The following L3MBTL4 variants were observed in gnomAD, a reference collection of about 807,000 sequenced individuals.
L3MBTL4 encodes the protein L3MBTL histone methyl-lysine binding protein 4, also known as lethal(3)malignant brain tumor-like protein 4.
Under a neutral mutation model 84.5 loss-of-function variants are expected in L3MBTL4, and 70 were observed. The ratio of observed to expected loss-of-function variants is 0.83; its 90% CI spans 0.68 to 1.01. The LOEUF is 1.01. Ranked by LOEUF, L3MBTL4 falls within the 50% of genes least tolerant of loss-of-function variation. L3MBTL4 has a pLI of 0.00. For missense variants in L3MBTL4, 715 were observed against 754.8 expected (o/e 0.95, Z 0.62); for synonymous variants, 274 against 259.8 (o/e 1.05, Z -0.52).
chr18:6,108,181 A>G (rs912550144), intron 14 of L3MBTL4, among the ~76,000 whole-genome samples: 2 of 152,182 alleles, frequency 1.3e-5, no homozygotes, highest in African/African-American at 4.8e-5. Flanking sequence ...GTGGATAGTT[A>G]ATGACAGCCA....
At chr18:6,069,568 T>C (rs894646574) in intron 16 of L3MBTL4, among the ~76,000 whole-genome samples, 4 of 152,130 alleles carry the variant, frequency 2.6e-5, no homozygotes, top group South Asian at 2.1e-4. Context: ...GCTCTGACTC[T>C]TCTTGAGCTG....
intron 12 of L3MBTL4, among the ~76,000 whole-genome samples, chr18:6,176,467 C>T (rs2044230245): frequency 1.3e-5 from 2 of 151,854 alleles, no homozygotes; most frequent in African/African-American, 4.8e-5. Context: ...ACAGTCTTTT[C>T]AACAAATGGC....
At chr18:6,334,225 T>C (rs2052205776) in intron 1 of L3MBTL4, among the ~76,000 whole-genome samples, 1 of 152,000 alleles carries the variant, frequency 6.6e-6, no homozygotes, top group African/African-American at 2.4e-5. Flanking sequence ...GGAACAGGAG[T>C]CCCAGTTGGT....
intron 5 of L3MBTL4, among the ~76,000 whole-genome samples, chr18:6,245,884 C>A (rs1188552675): frequency 6.6e-6 from 1 of 152,180 alleles, no homozygotes; most frequent in African/African-American, 2.4e-5. Flanking sequence ...AGCCACTGCA[C>A]CTGTCCCTAG....
chr18:5,990,036 G>A (rs2053622034), intron 16 of L3MBTL4, among the ~76,000 whole-genome samples: 2 of 152,152 alleles, frequency 1.3e-5, no homozygotes, highest in South Asian at 2.1e-4. Flanking sequence ...ATCCCTAAGA[G>A]TCCATCCTCA....
chr18:6,037,786 T>G (rs1679281562), intron 16 of L3MBTL4, among the ~76,000 whole-genome samples: 1 of 152,238 alleles, frequency 6.6e-6, no homozygotes, highest in African/African-American at 2.4e-5. Flanking sequence ...TAGAAAATTT[T>G]ACTCTGTCCT....
chr18:6,244,307 T>C (rs543309216), intron 6 of L3MBTL4, among the ~76,000 whole-genome samples, 177 bp downstream of exon 6: 25 of 152,184 alleles, frequency 1.6e-4, no homozygotes, highest in Non-Finnish European at 3.1e-4. Flanking sequence ...AGAAAATTCA[T>C]CTTCAGAGAA....
intron 15 of L3MBTL4, among the ~76,000 whole-genome samples, chr18:6,092,497 G>A (rs754825033): frequency 1.3e-4 from 20 of 152,180 alleles, no homozygotes; most frequent in Non-Finnish European, 1.8e-4. Flanking sequence ...AGAAGCAGTC[G>A]TCCCTTCAAA....
chr18:6,369,630 T>G (rs2144157862), intron 1 of L3MBTL4, among the ~76,000 whole-genome samples: 1 of 152,200 alleles, frequency 6.6e-6, no homozygotes, highest in South Asian at 2.1e-4. Flanking sequence ...CCAGGAAGGC[T>G]TCATGGAGGG....
chr18:6,044,304 G>A (rs9952075), intron 16 of L3MBTL4, among the ~76,000 whole-genome samples: 2,527 of 152,274 alleles, frequency 0.017, 73 homozygotes, highest in African/African-American at 0.058. Flanking sequence ...GTGAAAACAC[G>A]TCGATGATTC....
intron 13 of L3MBTL4, among the ~76,000 whole-genome samples, chr18:6,159,504 C>T (rs1054995397): frequency 1.3e-5 from 2 of 152,172 alleles, no homozygotes; most frequent in African/African-American, 4.8e-5. Flanking sequence ...GAAGATGAAT[C>T]GAAACACCTC....
At position 6,304,598 on chromosome 18, in the gene L3MBTL4, C is replaced by T. The variant is rs535686494; in HGVS notation, c.73-2641G>A. On this transcript the variant is annotated intron_variant, in intron 3 of 18. Transcript: ENST00000317931. ...GCCCTCACTGTGAGTGGCAAAGCCA[C>T]CACCTTTTAGCAGGGCATGCAGTGG... Among the ~76,000 whole-genome samples, 8 of 152,318 alleles carry T rather than the reference C, an allele frequency of 5.3e-5. No individual in the cohort carries two copies. The East Asian group carries it at 1.5e-3, about 29-fold the overall frequency.
intron 16 of L3MBTL4, among the ~76,000 whole-genome samples, chr18:6,038,893 A>T (rs2145690547): frequency 6.6e-6 from 1 of 152,078 alleles, no homozygotes; most frequent in South Asian, 2.1e-4. Flanking sequence ...GGAGATGAGG[A>T]TTTGGGAAGG....
At chr18:6,070,500 G>T (rs947963890) in intron 16 of L3MBTL4, among the ~76,000 whole-genome samples, 1 of 140,740 alleles carries the variant, frequency 7.1e-6, no homozygotes, top group Non-Finnish European at 1.5e-5. Context: ...TCTGGACAAA[G>T]AAAAACTTAC....
intron 1 of L3MBTL4, among the ~76,000 whole-genome samples, chr18:6,370,277 C>CA (rs1182636032): frequency 6.6e-6 from 1 of 152,092 alleles, no homozygotes; most frequent in Non-Finnish European, 1.5e-5. Context: ...AGAGAGCAGG[C>CA]ATAAATCCTG....
In L3MBTL4 at chr18:6,032,606, G is replaced by A. The variant is rs1212367380; in HGVS notation, c.1444+48275C>T. Among the ~76,000 whole-genome samples the A allele has an allele frequency of 5.3e-5, 8 of 151,740 alleles. No individual in the cohort carries two copies. In the South Asian group the frequency reaches 8.4e-4, roughly 16 times the overall value. ...AACCATTTTAAGTATATAGTTCAGT[G>A]GTATTAAATACATCCCTAATGTTAT... is the stretch of plus-strand genomic sequence containing the variant. On this transcript the variant is annotated intron_variant, in intron 16 of 18. Transcript: ENST00000317931.
chr18:6,089,121 G>A (rs1305898723), intron 15 of L3MBTL4, among the ~76,000 whole-genome samples: 1 of 151,590 alleles, frequency 6.6e-6, no homozygotes, highest in African/African-American at 2.4e-5. Context: ...AAAAATGCCT[G>A]AAAAAAAAGT....
At chr18:6,197,577 T>C (rs113612482) in intron 12 of L3MBTL4, among the ~76,000 whole-genome samples, 14,397 of 152,244 alleles carry the variant, frequency 0.095, 2,251 homozygotes, top group African/African-American at 0.32. Flanking sequence ...TGAACATACG[T>C]GTGCGTGTGT....
chr18:6,136,240 C>A (rs1170854249), intron 14 of L3MBTL4, among the ~76,000 whole-genome samples: 1 of 152,154 alleles, frequency 6.6e-6, no homozygotes, highest in Admixed American at 6.5e-5. Flanking sequence ...ACAGCCAAAC[C>A]ATATCACAGC....
Sources: gnomAD v4.1 joint callset for allele counts (sites outside exome capture counted in the v4.1 genomes callset) on GRCh38, gnomAD v4.1.1 for gene constraint, MANE v1.5 for transcripts, NCBI Gene and HGNC (gene_info 2026-07-23, HGNC 2026-07-21) for gene names.